Variants in TUBGCP2 observed in about 807,000 individuals in gnomAD.
TUBGCP2 encodes the protein gamma-tubulin complex component 2.
Under a neutral mutation model 92.2 loss-of-function variants are expected in TUBGCP2, and 55 were observed. That is an observed-to-expected ratio of 0.60 (90% CI 0.48 to 0.75). The LOEUF (loss-of-function observed/expected upper bound fraction) is 0.75. Among genes scored for constraint, TUBGCP2 ranks in the 30% least tolerant of loss-of-function variants. The pLI is 0.00. For synonymous variants in TUBGCP2, 533 were observed against 505.2 expected (o/e 1.06, Z -0.74); for missense variants, 1,093 against 1,188.9 (o/e 0.92, Z 1.19).
In TUBGCP2 at chr10:133,301,191, T is replaced by TGATCTAGGCTCACC. The variant is rs749706004; in HGVS notation, c.151-1092_151-1079dup. On this transcript the variant is annotated intron_variant, in intron 2 of 17. Coordinates refer to ENST00000252936, the MANE Select transcript of TUBGCP2 (RefSeq NM_006659.4). ...TTGCCCAGGCTGGAGTGCAATGGCGTGATCTAGGCTCACCGCAACCTCCAC... is the reference window on the plus strand; with the variant it reads ...TTGCCCAGGCTGGAGTGCAATGGCGTGATCTAGGCTCACCGATCTAGGCTCACCGCAACCTCCAC... Among the ~76,000 whole-genome samples the TGATCTAGGCTCACC allele has an allele frequency of 9.9e-5, 15 of 152,222 alleles. 1 individual carries two copies. In the South Asian group the frequency reaches 3.1e-3, roughly 32 times the overall value.
At position 133,281,309 on chromosome 10, in the gene TUBGCP2, C is replaced by A. The variant is rs763987291; in HGVS notation, c.2537G>T (p.Ser846Ile). ...GCTGGCCATGCCGTGCTCACAGTCACTGGTGCTATAGATGCTCAGCCGGGC... is the reference window on the plus strand; with the variant it reads ...GCTGGCCATGCCGTGCTCACAGTCAATGGTGCTATAGATGCTCAGCCGGGC... Reference protein sequence around the residue: ...LLARLSIYSTSDCEHGMASVI... With the variant: ...LLARLSIYSTIDCEHGMASVI... The change falls in exon 17 of 18, where the codon AGT (serine) becomes ATT (isoleucine). Residue 846 changes from serine to isoleucine, a missense_variant. Ser to Ile is a moderately radical substitution (Grantham distance 142, BLOSUM62 -2). Coordinates refer to ENST00000252936, the MANE Select transcript of TUBGCP2 (RefSeq NM_006659.4). The A allele has an allele frequency of 6.2e-7, 1 of 1,612,998 alleles. No individual in the cohort carries two copies. Among genetic ancestry groups the A allele is most frequent in the Non-Finnish European group, 8.5e-7 (1 of 1,179,956 alleles).
At chr10:133,309,996 G>C, upstream of TUBGCP2, 1 of 1,611,738 alleles carries the variant, frequency 6.2e-7, no homozygotes, top group Non-Finnish European at 8.5e-7. Flanking sequence ...CAACTGCACA[G>C]CCGCCGAGGC....
intron 4 of TUBGCP2, 76 bp downstream of exon 4, chr10:133,299,351 G>T: frequency 7.6e-7 from 1 of 1,312,270 alleles, no homozygotes; most frequent in Non-Finnish European, 1.0e-6. Context: ...ACAGCACTGA[G>T]TGTGGGTGCC....
In TUBGCP2 at chr10:133,288,842, G is replaced by C. The variant is rs1047872771; in HGVS notation, c.1539C>G (p.Leu513=). Reference sequence around the variant, plus strand: ...ACAGGGACAGGGCACGGAATCACCTGAGGTGAGCCACCAGCTCCTTCTCCT... The same window carrying C: ...ACAGGGACAGGGCACGGAATCACCTCAGGTGAGCCACCAGCTCCTTCTCCT... ...LMEEKELVAH[L]RSIKRYFLMD... Residue 513 remains leucine, a splice_region_variant and synonymous_variant, in exon 10 of 18, where the codon CTC becomes CTG. Transcript: ENST00000252936. 3 of 1,608,724 alleles carry C rather than the reference G, an allele frequency of 1.9e-6. No homozygotes were observed. The highest frequency in any genetic ancestry group is 2.7e-5 in the African/African-American group (2 of 74,806).
intron 2 of TUBGCP2, 149 bp from the exon 3 acceptor site, chr10:133,300,262 A>C: frequency 8.5e-6 from 8 of 935,712 alleles, no homozygotes; most frequent in Non-Finnish European, 1.2e-5. Context: ...AACAAAACTC[A>C]TCTCCATATT....
upstream of TUBGCP2, chr10:133,312,040 T>G (rs949802959): frequency 3.3e-6 from 5 of 1,504,860 alleles, no homozygotes; most frequent in African/African-American, 6.9e-5. Context: ...CATACTCTGT[T>G]TTTGAGCCAT....
At chr10:133,284,418 A>C (rs1308584711) in intron 13 of TUBGCP2, among the ~76,000 whole-genome samples, 2 of 152,236 alleles carry the variant, frequency 1.3e-5, no homozygotes, top group African/African-American at 2.4e-5. Context: ...ACTGCAGTGC[A>C]GTGGCACGAT....
chr10:133,302,581 T>A, intron 2 of TUBGCP2: 2 of 572,214 alleles, frequency 3.5e-6, no homozygotes, highest in South Asian at 2.0e-5. Flanking sequence ...CCCTGCACCA[T>A]CCTGATCCAG....
intron 17 of TUBGCP2, among the ~76,000 whole-genome samples, chr10:133,280,572 G>T (rs560655438): frequency 6.2e-4 from 95 of 152,314 alleles, no homozygotes; most frequent in African/African-American, 2.3e-3. Context: ...ACACACAGCC[G>T]CAGGGTGCCA....
chr10:133,283,122 A>T lies in TUBGCP2; in HGVS notation c.2245T>A (p.Ser749Thr). The part of the protein sequence containing the change: ...LTNPELLKVF[S>T]KLMSVCVMFT... The stretch of plus-strand genomic sequence containing the variant: ...ATGACGCACACAGACATGAGCTTGG[A>T]GAAGACCTTCAGCAGCTCGGGGTTG... The change falls in exon 15 of 18, where the codon TCC becomes ACC. Residue 749 changes from serine to threonine, a missense_variant. Ser to Thr is a moderately conservative substitution (Grantham distance 58, BLOSUM62 1). This residue lies in a region of TUBGCP2 where 598 missense variants were observed against 675.5 expected (regional missense o/e 0.89). Coordinates refer to ENST00000252936, the MANE Select transcript of TUBGCP2 (RefSeq NM_006659.4). 6.2e-7 allele frequency: 1 copy of T among 1,614,218 alleles called. No individual in the cohort carries two copies. Among genetic ancestry groups the T allele is most frequent in the Non-Finnish European group, 8.5e-7 (1 of 1,180,046 alleles).
chr10:133,279,819 C>G lies in TUBGCP2; in HGVS notation c.2656G>C (p.Val886Leu). 3 of 1,589,616 alleles carry G rather than the reference C, an allele frequency of 1.9e-6. No homozygotes were observed. The highest frequency in any genetic ancestry group is 2.6e-6 in the Non-Finnish European group (3 of 1,168,930). ...GCAGGAGCCGGGGGCCCCCGCAGGACAGGCACTTGGGGGGTGGCCTTCTGG... is the reference window on the plus strand; with the variant it reads ...GCAGGAGCCGGGGGCCCCCGCAGGAGAGGCACTTGGGGGGTGGCCTTCTGG... ...RSQKATPQVPVLRGPPAPAPR... is the reference protein window; with the variant it reads ...RSQKATPQVPLLRGPPAPAPR... The change falls in exon 18 of 18, where the codon GTC becomes CTC. Residue 886 changes from valine (V) to leucine (L), a missense_variant. Val to Leu is a conservative substitution (Grantham distance 32). Around this residue, in one of 3 missense-constraint regions of TUBGCP2, gnomAD observed 598 missense variants for 675.5 expected, o/e 0.89. Transcript: ENST00000252936.
intron 6 of TUBGCP2, 46 bp downstream of exon 6, chr10:133,293,516 T>A: frequency 6.5e-7 from 1 of 1,537,644 alleles, no homozygotes; most frequent in Non-Finnish European, 8.8e-7. Flanking sequence ...ACCTAACCCC[T>A]CCCCCACAAC....
At chr10:133,309,374 C>G, upstream of TUBGCP2, 1 of 1,609,136 alleles carries the variant, frequency 6.2e-7, no homozygotes, top group Non-Finnish European at 8.5e-7. Context: ...CCGCCCACGG[C>G]GCACTTTTCC....
chr10:133,291,288 T>TCC (rs1405367646), intron 8 of TUBGCP2, among the ~76,000 whole-genome samples: 6 of 59,654 alleles, frequency 1.0e-4, no homozygotes, highest in Non-Finnish European at 1.3e-4. Flanking sequence ...TCCGTGTCCC[T>TCC]GTGTCCCGGG....
At chr10:133,284,113 C>T in intron 13 of TUBGCP2, 111 bp from the exon 14 acceptor site, 2 of 1,499,468 alleles carry the variant, frequency 1.3e-6, no homozygotes, top group Non-Finnish European at 1.8e-6. Flanking sequence ...CTGGACGTGG[C>T]TATTTCCTCT....
At position 133,288,295 on chromosome 10, in the gene TUBGCP2, T is replaced by G; in HGVS notation, c.1556A>C (p.Tyr519Ser). 6.2e-7 allele frequency: 1 copy of G among 1,613,316 alleles called. No individual in the cohort carries two copies. Among genetic ancestry groups the G allele is most frequent in the South Asian group, 1.1e-5 (1 of 91,086 alleles). Residue 519 changes from tyrosine to serine, a missense_variant, in exon 11 of 18, where the codon TAC (tyrosine) becomes TCC (serine). Transcript: ENST00000252936. ...GAAGTCGCCCTGGTCCATGAGGAAG[T>G]AGCGCTTGATGGACCTGCGCCAGGG... ...LVAHLRSIKRYFLMDQGDFFV... is the reference protein window; with the variant it reads ...LVAHLRSIKRSFLMDQGDFFV...
At position 133,283,064 on chromosome 10, in the gene TUBGCP2, C is replaced by A; in HGVS notation, c.2289+14G>T. On this transcript the variant is annotated intron_variant, in intron 15 of 17. Coordinates refer to ENST00000252936, the MANE Select transcript of TUBGCP2 (RefSeq NM_006659.4). ...GCGCCTGCCCACCCGATGGTGCTAC[C>A]CACACCCACGCACCTGCATGCAGTT... The A allele has an allele frequency of 6.2e-7, 1 of 1,614,092 alleles. No homozygotes were observed.
At chr10:133,310,312 C>G (rs1456513183), upstream of TUBGCP2, 7 of 1,612,654 alleles carry the variant, frequency 4.3e-6, no homozygotes, top group African/African-American at 4.0e-5. Flanking sequence ...AGGCTCAGCA[C>G]GTGTCTGCTT....
At chr10:133,311,163 A>G (rs559250956), upstream of TUBGCP2, among the ~76,000 whole-genome samples, 8 of 152,330 alleles carry the variant, frequency 5.3e-5, no homozygotes, top group East Asian at 1.5e-3. Flanking sequence ...GAACTTTCAT[A>G]ATCATCTACA....
Sources: gnomAD v4.1 joint callset for allele counts (sites outside exome capture counted in the v4.1 genomes callset) on GRCh38, gnomAD v4.1.1 for gene constraint, gnomAD v4.1.1 regional missense constraint, MANE v1.5 for transcripts, NCBI Gene and HGNC (gene_info 2026-07-23, HGNC 2026-07-21) for gene names.